The following PARD3 variants were observed in gnomAD, a reference collection of about 807,000 sequenced individuals.
The protein encoded by PARD3 is par-3 family cell polarity regulator.
A neutral mutation model predicts 155.4 loss-of-function variants in PARD3; 75 were observed. The observed-to-expected ratio is 0.48, with a 90% CI of 0.40 to 0.58. The LOEUF (loss-of-function observed/expected upper bound fraction) is 0.58. PARD3 is among the 20% of genes least tolerant of loss of function. PARD3 has a pLI of 0.00. For synonymous variants in PARD3, 576 were observed against 610.5 expected (o/e 0.94, Z 0.83); for missense variants, 1,642 against 1,721.7 (o/e 0.95, Z 0.82).
intron 2 of PARD3, among the ~76,000 whole-genome samples, chr10:34,623,095 T>C (rs969213930): frequency 2.0e-5 from 3 of 152,046 alleles, no homozygotes; most frequent in Non-Finnish European, 2.9e-5. Context: ...AGTGATGAAA[T>C]TGCAAAAATC....
intron 22 of PARD3, among the ~76,000 whole-genome samples, chr10:34,269,417 A>C (rs1955503408): frequency 6.6e-6 from 1 of 152,206 alleles, no homozygotes; most frequent in Non-Finnish European, 1.5e-5. Flanking sequence ...TCAGGTATAA[A>C]ACCATCTTCA....
intron 22 of PARD3, among the ~76,000 whole-genome samples, chr10:34,145,206 TATATATATA>T (rs1948413687): frequency 1.5e-5 from 1 of 66,554 alleles, no homozygotes; most frequent in South Asian, 4.3e-4. Context: ...TATATATATA[TATATATATA>T]TATATATTTT....
At chr10:34,769,575 G>C (rs1838574271) in intron 1 of PARD3, among the ~76,000 whole-genome samples, 1 of 151,590 alleles carries the variant, frequency 6.6e-6, no homozygotes, top group Non-Finnish European at 1.5e-5. Flanking sequence ...GGGCAACACG[G>C]CAAAAACCTG....
At chr10:34,484,791 A>G (rs2079330807) in intron 3 of PARD3, among the ~76,000 whole-genome samples, 1 of 152,190 alleles carries the variant, frequency 6.6e-6, no homozygotes, top group Non-Finnish European at 1.5e-5. Context: ...CTTCAAGTGA[A>G]AAATAACTGC....
At chr10:34,141,749 C>G (rs1948199112) in intron 22 of PARD3, among the ~76,000 whole-genome samples, 1 of 152,152 alleles carries the variant, frequency 6.6e-6, no homozygotes, top group Admixed American at 6.5e-5. Context: ...GGGAAGTCCT[C>G]CAGCAACAGA....
intron 2 of PARD3, among the ~76,000 whole-genome samples, chr10:34,578,712 T>TATATTC (rs2087115694): frequency 6.6e-6 from 1 of 152,190 alleles, no homozygotes; most frequent in African/African-American, 2.4e-5. Flanking sequence ...ACTGAGCCCT[T>TATATTC]ACCAAGCTAT....
chr10:34,227,975 T>C (rs1025245278), intron 22 of PARD3, among the ~76,000 whole-genome samples: 4 of 150,104 alleles, frequency 2.7e-5, no homozygotes, highest in Admixed American at 2.7e-4. Flanking sequence ...ATGTTTATCA[T>C]AGCACTATTT....
At chr10:34,802,735 T>G (rs1361515123) in intron 1 of PARD3, among the ~76,000 whole-genome samples, 1 of 152,114 alleles carries the variant, frequency 6.6e-6, no homozygotes, top group South Asian at 2.1e-4. Context: ...TTCCCACATG[T>G]GGTGAAGTTC....
intron 1 of PARD3, among the ~76,000 whole-genome samples, chr10:34,731,478 T>G (rs985852244): frequency 2.0e-5 from 3 of 152,242 alleles, no homozygotes; most frequent in Admixed American, 2.0e-4. Context: ...ATTCCAAGTT[T>G]GTCTGAAAGC....
intron 2 of PARD3, among the ~76,000 whole-genome samples, chr10:34,680,143 G>C (rs1485766937): frequency 7.2e-5 from 11 of 152,062 alleles, no homozygotes. Context: ...TAGGTCTCTA[G>C]AGAAAGTACT....
intron 7 of PARD3, among the ~76,000 whole-genome samples, chr10:34,398,505 A>G (rs1223086826): frequency 3.3e-5 from 5 of 152,228 alleles, no homozygotes; most frequent in African/African-American, 1.2e-4. Flanking sequence ...TAAAAATTAA[A>G]AAGCCAAAAT....
intron 3 of PARD3, among the ~76,000 whole-genome samples, chr10:34,487,640 CT>C (rs34106630): frequency 0.019 from 2,658 of 141,650 alleles, 28 homozygotes; most frequent in Non-Finnish European, 0.028. Context: ...CCAGGTTTTA[CT>C]TTTTTTTTTT....
chr10:34,600,962 ATTTTTTTTTTTTTT>A (rs1028271994), intron 2 of PARD3, among the ~76,000 whole-genome samples: 1 of 90,066 alleles, frequency 1.1e-5, no homozygotes, highest in East Asian at 3.5e-4. Context: ...CATTTTTTTA[ATTTTTTTTTTTTTT>A]TTTTTTTTTT....
intron 2 of PARD3, among the ~76,000 whole-genome samples, chr10:34,666,803 A>ATG (rs1564481608): frequency 5.0e-4 from 52 of 104,858 alleles, no homozygotes; most frequent in African/African-American, 2.3e-3. Flanking sequence ...AAAAATATAT[A>ATG]TATATATATA....
chr10:34,352,264 T>C (rs1293946242), intron 14 of PARD3, among the ~76,000 whole-genome samples: 3 of 152,228 alleles, frequency 2.0e-5, no homozygotes, highest in Non-Finnish European at 4.4e-5. Context: ...TTTACTTCCA[T>C]TCCACTCCAG....
At chr10:34,522,080 A>G (rs2082182005) in intron 2 of PARD3, among the ~76,000 whole-genome samples, 1 of 152,184 alleles carries the variant, frequency 6.6e-6, no homozygotes, top group African/African-American at 2.4e-5. Context: ...TGAAAAAGGG[A>G]CTTTGCAGAC....
chr10:34,783,730 AAAG>A (rs1840573537), intron 1 of PARD3, among the ~76,000 whole-genome samples: 1 of 152,120 alleles, frequency 6.6e-6, no homozygotes, highest in African/African-American at 2.4e-5. Flanking sequence ...AGAAAGAAAA[AAAG>A]GGAGAACAAC....
intron 22 of PARD3, among the ~76,000 whole-genome samples, chr10:34,161,306 A>G (rs970999728): frequency 6.7e-6 from 1 of 150,088 alleles, no homozygotes; most frequent in Non-Finnish European, 1.5e-5. Flanking sequence ...AGAAGAGGGG[A>G]GTGGGGAGGG....
At chr10:34,684,816 CACACACACACACACATAT>C (rs1216455048) in intron 2 of PARD3, among the ~76,000 whole-genome samples, 1 of 111,206 alleles carries the variant, frequency 9.0e-6, no homozygotes, top group African/African-American at 3.9e-5. Context: ...CACACACACA[CACACACACACACACATAT>C]ATACACACAC....
Sources: gnomAD v4.1 joint callset for allele counts (sites outside exome capture counted in the v4.1 genomes callset) on GRCh38, gnomAD v4.1.1 for gene constraint, MANE v1.5 for transcripts, NCBI Gene and HGNC (gene_info 2026-07-23, HGNC 2026-07-21) for gene names.